The following FBH1 variants were observed in gnomAD, a reference collection of about 807,000 sequenced individuals.
The protein encoded by FBH1 is DNA 3'-5' helicase 1.
A neutral mutation model predicts 115.5 loss-of-function variants in FBH1; 43 were observed. The observed-to-expected ratio is 0.37, with a 90% confidence interval of 0.29 to 0.48. FBH1 has a LOEUF of 0.48. FBH1 is among the 20% of genes least tolerant of loss of function. The pLI, the probability that FBH1 is intolerant of heterozygous loss-of-function variation, is 0.99. For missense variants in FBH1, 1,001 were observed against 1,337.3 expected (o/e 0.75, Z 3.92); for synonymous variants, 524 against 507.8 (o/e 1.03, Z -0.43).
At chr10:5,891,056 G>A in intron 1 of FBH1, 1 of 630,244 alleles carries the variant, frequency 1.6e-6, no homozygotes, top group Non-Finnish European at 2.0e-6. Flanking sequence ...GCATCAGTAG[G>A]GTTTTACAGG....
rs1832079965 is a variant in FBH1, at chr10:5,918,028, CT to C, written c.1964-311del. 6.6e-6 allele frequency among the ~76,000 whole-genome samples: 1 copy of C among 152,176 alleles called. No individual in the cohort carries two copies. Among genetic ancestry groups the C allele is most frequent in the Non-Finnish European group, 1.5e-5 (1 of 68,020 alleles). Reference sequence around the variant, plus strand: ...AGAACAGACAGTGTTATCCGTCTGACTTTGTAGGTCAATTTTGAGTGCTATA... The same window carrying C: ...AGAACAGACAGTGTTATCCGTCTGACTTGTAGGTCAATTTTGAGTGCTATA... On this transcript the variant is annotated intron_variant, in intron 12 of 20. Transcript: ENST00000362091. The surrounding 1 kb of genome is among the most constrained non-coding windows in gnomAD (Gnocchi z 4.0).
In FBH1 at chr10:5,895,017, A is replaced by C; in HGVS notation, c.1+4671A>C. 3 of 1,595,272 alleles carry C rather than the reference A, an allele frequency of 1.9e-6. No homozygotes were observed. Among genetic ancestry groups the C allele is most frequent in the Non-Finnish European group, 2.6e-6 (3 of 1,167,492 alleles). ...TATGGTGCTGGAGTTGAGAGATAAC[A>C]CAGTTAACTGTTGAAATTGGGCCAT... On this transcript the variant is annotated intron_variant, in intron 1 of 20. Coordinates refer to ENST00000362091, the MANE Select transcript of FBH1 (RefSeq NM_178150.3). This position sits in a 1 kb window ranked among gnomAD's most constrained non-coding sequence, Gnocchi z 5.0.
chr10:5,936,448 T>C lies in FBH1; in HGVS notation c.2830-8T>C, dbSNP rs646406. On this transcript the variant is annotated splice_polypyrimidine_tract_variant and splice_region_variant and intron_variant, in intron 19 of 20. Transcript: ENST00000362091. The surrounding 1 kb of genome is among the most constrained non-coding windows in gnomAD (Gnocchi z 5.6). ...CCATGACTCTCTTTCTCGCTCTTTC[T>C]TTCTCAGGAGTACTTCTTGCAAGCA... is the stretch of plus-strand genomic sequence containing the variant. 1,387,202 of 1,612,522 alleles carry C rather than the reference T, an allele frequency of 0.86. 597,796 individuals are homozygous for C. Among genetic ancestry groups the C allele is most frequent in the Admixed American group, 0.91 (54,411 of 59,938 alleles).
chr10:5,937,332 G>C lies in FBH1; in HGVS notation c.*52G>C, dbSNP rs952524566. 4 of 1,437,434 alleles carry C rather than the reference G, an allele frequency of 2.8e-6. No individual in the cohort carries two copies. Among genetic ancestry groups the C allele is most frequent in the Non-Finnish European group, 3.7e-6 (4 of 1,088,462 alleles). 89.0% of individuals were successfully genotyped at this position (1,437,434 alleles called of 1,614,324 possible). On this transcript the variant is annotated 3_prime_UTR_variant, in exon 21 of 21. Coordinates refer to ENST00000362091, the MANE Select transcript of FBH1 (RefSeq NM_178150.3). ...CAGAGCAGCTTGCCGAGGACCCCGC[G>C]TGAAGAAAGCCAGCGAGGGGGGCTT...
Position 5,924,483 on chromosome 10 carries a change from C to T in FBH1, c.2571C>T (p.Cys857=). The T allele has an allele frequency of 1.2e-6, 2 of 1,613,894 alleles. No homozygotes were observed. The highest frequency in any genetic ancestry group is 1.7e-6 in the Non-Finnish European group (2 of 1,179,928). Residue 857 remains cysteine, a synonymous_variant, in exon 17 of 21, where the codon TGC becomes TGT. Transcript: ENST00000362091. This position sits in a 1 kb window ranked among gnomAD's most constrained non-coding sequence, Gnocchi z 6.2. ...AGCTGGTGCAAAGGATAGAAAAATG[C>T]CATATAGAAGATTTGGACTTTGCAG... ...IPELVQRIEK[C]HIEDLDFAEY...
intron 2 of FBH1, 86 bp downstream of exon 2, chr10:5,903,261 T>A: frequency 9.0e-7 from 1 of 1,111,040 alleles, no homozygotes; most frequent in African/African-American, 1.6e-5. Flanking sequence ...TATTTGTAAA[T>A]GTTGCTGCTG....
At chr10:5,928,593 G>A (rs1408941823) in intron 19 of FBH1, 1 of 152,236 alleles carries the variant, frequency 6.6e-6, no homozygotes, top group African/African-American at 2.4e-5. Flanking sequence ...GAGAGTAAGT[G>A]TTCAGGCACC....
chr10:5,913,966 C>G lies in FBH1; in HGVS notation c.1304+127C>G. The G allele has an allele frequency of 3.5e-6, 3 of 849,412 alleles. No individual in the cohort carries two copies. The highest frequency in any genetic ancestry group is 5.6e-6 in the Non-Finnish European group (3 of 531,898). 52.6% of individuals were successfully genotyped at this position (849,412 alleles called of 1,614,324 possible). ...TTAATAATGTAAATTGTGTAAAACT[C>G]ACCCATCCTAAGAGTGTGATTCAGT... On this transcript the variant is annotated intron_variant, in intron 7 of 20. Coordinates refer to ENST00000362091, the MANE Select transcript of FBH1 (RefSeq NM_178150.3). This position sits in a 1 kb window ranked among gnomAD's most constrained non-coding sequence, Gnocchi z 4.4.
In FBH1 at chr10:5,936,488, C is replaced by T. The variant is rs757231067; in HGVS notation, c.2862C>T (p.Asn954=). 5.6e-6 allele frequency: 9 copies of T among 1,613,908 alleles called. No individual in the cohort carries two copies. The highest frequency in any genetic ancestry group is 2.7e-5 in the African/African-American group (2 of 74,910). ...EYFLQAELTS[N]VLKTGVVRCC... is the part of the protein sequence containing the mutation. The stretch of plus-strand genomic sequence containing the variant: ...TCTTGCAAGCAGAGCTGACAAGCAA[C>T]GTCTTAAAAACAGGCGTGGTGCGCT... Residue 954 remains asparagine, a synonymous_variant, in exon 20 of 21, where the codon AAC becomes AAT. Transcript: ENST00000362091. The surrounding 1 kb of genome is among the most constrained non-coding windows in gnomAD (Gnocchi z 5.6).
rs908713855 is a variant in FBH1, at chr10:5,935,565, C to T, written c.2830-891C>T. The T allele has an allele frequency of 6.6e-6, 1 of 152,216 alleles. No homozygotes were observed. The highest frequency in any genetic ancestry group is 2.4e-5 in the African/African-American group (1 of 41,460). The allele number at this position is 152,216 out of a possible 1,614,324, so 9.4% of individuals were successfully genotyped here. On this transcript the variant is annotated intron_variant, in intron 19 of 20. Coordinates refer to ENST00000362091, the MANE Select transcript of FBH1 (RefSeq NM_178150.3). This position sits in a 1 kb window ranked among gnomAD's most constrained non-coding sequence, Gnocchi z 5.2. Reference sequence around the variant, plus strand: ...TGTGACTTCAGACAGGATTTCACCTCGTCAGCTGTTAGTACTTGTTGGCCA... The same window carrying T: ...TGTGACTTCAGACAGGATTTCACCTTGTCAGCTGTTAGTACTTGTTGGCCA...
At position 5,906,211 on chromosome 10, in the gene FBH1, C is replaced by T. The variant is rs143782854; in HGVS notation, c.332C>T (p.Pro111Leu). ...CALPQEGSAG[P>L]GSPGSAPPSR... ...CTGCCTCAGGAAGGCAGTGCAGGGC[C>T]GGGCTCACCAGGGTCTGCCCCGCCC... The change falls in exon 3 of 21, where the codon CCG (proline) becomes CTG (leucine). Residue 111 changes from proline (P) to leucine (L), a missense_variant. By Grantham distance (98) the Pro-to-Leu change is moderately conservative. Around this residue, in one of 4 missense-constraint regions of FBH1, gnomAD observed 420 missense variants for 430.4 expected, o/e 0.98. Coordinates refer to ENST00000362091, the MANE Select transcript of FBH1 (RefSeq NM_178150.3). This position sits in a 1 kb window ranked among gnomAD's most constrained non-coding sequence, Gnocchi z 7.3. 2.1e-5 allele frequency: 34 copies of T among 1,614,070 alleles called. No individual in the cohort carries two copies. Among genetic ancestry groups the T allele is most frequent in the Admixed American group, 1.3e-4 (8 of 60,016 alleles).
At chr10:5,920,977 A>T (rs923095904) in intron 13 of FBH1, among the ~76,000 whole-genome samples, 1 of 152,200 alleles carries the variant, frequency 6.6e-6, no homozygotes, top group African/African-American at 2.4e-5. Context: ...TCCTTACCCG[A>T]TCTTCATCTT....
chr10:5,912,458 A>G (rs1831657132), intron 6 of FBH1, among the ~76,000 whole-genome samples: 1 of 139,394 alleles, frequency 7.2e-6, no homozygotes. Flanking sequence ...AGGTAGATCA[A>G]CTGTGCAGCC....
chr10:5,925,781 C>T lies in FBH1; in HGVS notation c.2722+289C>T, dbSNP rs961761156. 5.9e-5 allele frequency among the ~76,000 whole-genome samples: 9 copies of T among 152,326 alleles called. No individual in the cohort carries two copies. The highest frequency in any genetic ancestry group is 1.9e-4 in the East Asian group (1 of 5,184). Reference sequence around the variant, plus strand: ...GCACTGCCCTCAGCTCCAGGTTCTTCGCCATCAGACTTTGAGTCTCCAGCC... The same window carrying T: ...GCACTGCCCTCAGCTCCAGGTTCTTTGCCATCAGACTTTGAGTCTCCAGCC... On this transcript the variant is annotated intron_variant, in intron 18 of 20. Transcript: ENST00000362091. This position sits in a 1 kb window ranked among gnomAD's most constrained non-coding sequence, Gnocchi z 4.6.
rs971278159 is a variant in FBH1 at position 5,931,053 on chromosome 10, G to C, written c.2829+3512G>C. On this transcript the variant is annotated intron_variant, in intron 19 of 20. Coordinates refer to ENST00000362091, the MANE Select transcript of FBH1 (RefSeq NM_178150.3). The surrounding 1 kb of genome is among the most constrained non-coding windows in gnomAD (Gnocchi z 4.3). The stretch of plus-strand genomic sequence containing the variant: ...TCTGGGATTATAGGTGTGACACCAG[G>C]CAAATTTCAACATTTTGTTGTTAAA... Among the ~76,000 whole-genome samples the C allele has an allele frequency of 6.6e-6, 1 of 152,074 alleles. No homozygotes were observed. The highest frequency in any genetic ancestry group is 2.4e-5 in the African/African-American group (1 of 41,418).
chr10:5,893,230 T>G (rs1420250301), intron 1 of FBH1, among the ~76,000 whole-genome samples: 3 of 152,112 alleles, frequency 2.0e-5, no homozygotes, highest in Non-Finnish European at 4.4e-5. Context: ...CACTTGAACC[T>G]GGGAGGCGGA....
In FBH1 at chr10:5,917,401, C is replaced by A; in HGVS notation, c.1789-19C>A. ...GCCAGGGTCTCAAACTCTGGGTTAC[C>A]ATATGCTTTACTTCCTAGAATGGTG... On this transcript the variant is annotated intron_variant, in intron 10 of 20. Transcript: ENST00000362091. This position sits in a 1 kb window ranked among gnomAD's most constrained non-coding sequence, Gnocchi z 5.6. 6.2e-7 allele frequency: 1 copy of A among 1,610,426 alleles called. No homozygotes were observed.
At position 5,901,658 on chromosome 10, in the gene FBH1, G is replaced by A. The variant is rs7070462; in HGVS notation, c.2-1362G>A. On this transcript the variant is annotated intron_variant, in intron 1 of 20. Transcript: ENST00000362091. ...TGGGTCACTACAACCTCCGCCTCCCGGGTTCAAGTGATTCTTGGGCCTCAG... is the reference window on the plus strand; with the variant it reads ...TGGGTCACTACAACCTCCGCCTCCCAGGTTCAAGTGATTCTTGGGCCTCAG... Among the ~76,000 whole-genome samples the A allele has an allele frequency of 7.9e-3, 1,182 of 149,426 alleles. 7 individuals are homozygous for A. The highest frequency in any genetic ancestry group is 0.027 in the African/African-American group (1,076 of 40,430).
intron 9 of FBH1, 90 bp from the exon 10 acceptor site, chr10:5,916,144 C>T: frequency 8.6e-7 from 1 of 1,160,506 alleles, no homozygotes; most frequent in Non-Finnish European, 1.3e-6. Context: ...TTGAAGCTAC[C>T]TCCTGGTGAC....
Sources: allele counts gnomAD v4.1 joint callset (sites outside exome capture counted in the v4.1 genomes callset), GRCh38; gene constraint gnomAD v4.1.1; regional missense constraint gnomAD v4.1.1; non-coding constraint Gnocchi (gnomAD v3.1); transcripts MANE v1.5; gene names NCBI Gene and HGNC (gene_info 2026-07-23, HGNC 2026-07-21).